Variants in MYO1H observed in about 807,000 individuals in gnomAD.
MYO1H encodes myosin IH.
In MYO1H, 118 loss-of-function variants were observed where a neutral mutation model predicts 149.3. That is an observed-to-expected ratio of 0.79 (90% CI 0.68 to 0.92). MYO1H has a LOEUF of 0.92. Ranked by LOEUF, MYO1H falls within the 40% of genes least tolerant of loss-of-function variation. The probability of loss-of-function intolerance (pLI) is 0.00; values close to 1 mark genes in which losing one functional copy is unlikely to be tolerated. For missense variants in MYO1H, 1,212 were observed against 1,280.7 expected, an observed-to-expected ratio of 0.95 and a Z score of 0.82; for synonymous variants, 447 against 465.2, an observed-to-expected ratio of 0.96 and a Z score of 0.50.
chr12:109,393,228 T>C (rs1869734552), intron 2 of MYO1H, 103 bp from the exon 3 acceptor site: 2 of 734,040 alleles, frequency 2.7e-6, no homozygotes, highest in Admixed American at 4.4e-5. Context: ...GCCTGATTTA[T>C]CATTTTAAAT....
intron 19 of MYO1H, 26 bp from the exon 20 acceptor site, chr12:109,432,871 T>C (rs1741292398): frequency 6.3e-7 from 1 of 1,595,958 alleles, no homozygotes; most frequent in Admixed American, 1.7e-5. Context: ...CGGTCACAGC[T>C]TCTCCATGTC....
chr12:109,443,745 G>C lies in MYO1H; in HGVS notation c.2824+96G>C, dbSNP rs986832451. The C allele has an allele frequency of 1.6e-5, 23 of 1,449,216 alleles. No individual in the cohort carries two copies. The African/African-American group carries it at 3.1e-4, about 19-fold the overall frequency. The allele number at this position is 1,449,216 out of a possible 1,614,324, so 89.8% of individuals were successfully genotyped here. The stretch of plus-strand genomic sequence containing the variant: ...TCCCAAATGGGAAACACAAGTGTAG[G>C]GTGCCCATAAACCCCGGGGTAGTGA... On this transcript the variant is annotated intron_variant, in intron 28 of 31. Coordinates refer to ENST00000310903, the Ensembl canonical transcript of MYO1H.
At chr12:109,391,021 C>T (rs1325243347) in intron 2 of MYO1H, among the ~76,000 whole-genome samples, 1 of 152,168 alleles carries the variant, frequency 6.6e-6, no homozygotes, top group Non-Finnish European at 1.5e-5. Context: ...TTACGTGCTC[C>T]CCTCTTAAAG....
exon 32 of MYO1H, chr12:109,447,804 G>A (rs1872547716): frequency 6.5e-6 from 1 of 153,050 alleles, no homozygotes; most frequent in Admixed American, 6.5e-5. Context: ...CTTCTGCCCT[G>A]AGCTGCTGGG....
chr12:109,432,899 A>G (rs1871695657), exon 20 of MYO1H: 1 of 1,613,784 alleles, frequency 6.2e-7, no homozygotes, highest in Non-Finnish European at 8.5e-7. Flanking sequence ...TCTCCTAGGT[A>G]CAAGTCCTTA....
At chr12:109,335,854 T>C in the MYO1H span, among the ~76,000 whole-genome samples, 54,244 of 152,120 alleles carry the variant, frequency 0.36, 10,247 homozygotes, top group Admixed American at 0.46. Context: ...AATAAATCAA[T>C]AGGCAATTTA....
intron 24 of MYO1H, among the ~76,000 whole-genome samples, chr12:109,440,336 G>A (rs866865782): frequency 8.6e-5 from 13 of 152,022 alleles, no homozygotes; most frequent in African/African-American, 2.9e-4. Context: ...GTGCCCAGCC[G>A]ACAGAGTACT....
intron 16 of MYO1H, among the ~76,000 whole-genome samples, chr12:109,421,716 C>T (rs985965427): frequency 1.3e-5 from 2 of 152,068 alleles, no homozygotes; most frequent in Non-Finnish European, 2.9e-5. Flanking sequence ...TGCACAAGGC[C>T]ACATCATGAG....
At chr12:109,368,414 G>T (rs1868912508) in intron 1 of MYO1H, among the ~76,000 whole-genome samples, 1 of 152,186 alleles carries the variant, frequency 6.6e-6, no homozygotes, top group Non-Finnish European at 1.5e-5. Flanking sequence ...CCAGCACTTT[G>T]GGAGGCCGAG....
chr12:109,447,185 G>A, exon 32 of MYO1H: 1 of 1,596,738 alleles, frequency 6.3e-7, no homozygotes, highest in South Asian at 1.1e-5. Flanking sequence ...AGTCCTGATA[G>A]AGGATGACGT....
At chr12:109,376,124 C>T (rs942545265) in intron 1 of MYO1H, among the ~76,000 whole-genome samples, 2 of 142,634 alleles carry the variant, frequency 1.4e-5, no homozygotes, top group African/African-American at 6.2e-5. Context: ...ACAATTCATA[C>T]ACCATACAAT....
chr12:109,313,596 G>A, the MYO1H span, among the ~76,000 whole-genome samples: 1 of 152,126 alleles, frequency 6.6e-6, no homozygotes, highest in African/African-American at 2.4e-5. Context: ...GGATGTTTCC[G>A]GGAAGGGAAT....
At chr12:109,388,771 T>C in exon 2 of MYO1H, 1 of 1,613,224 alleles carries the variant, frequency 6.2e-7, no homozygotes, top group Non-Finnish European at 8.5e-7. Context: ...GATTTTGTGC[T>C]ATTGGACGCG....
the MYO1H span, among the ~76,000 whole-genome samples, chr12:109,320,091 A>T: frequency 6.6e-6 from 1 of 152,106 alleles, no homozygotes; most frequent in Non-Finnish European, 1.5e-5. Context: ...AGGTGGGAAG[A>T]TCACTTGAGC....
intron 1 of MYO1H, among the ~76,000 whole-genome samples, chr12:109,352,919 G>A (rs1170027668): frequency 7.3e-6 from 1 of 136,424 alleles, no homozygotes. Context: ...ATATACCTGT[G>A]TGACCCAAAT....
chr12:109,347,036 T>G (rs1213005310), upstream of MYO1H, among the ~76,000 whole-genome samples: 3 of 152,128 alleles, frequency 2.0e-5, no homozygotes, highest in Admixed American at 2.0e-4. Flanking sequence ...GAGAGAGAGA[T>G]ACATGAAATG....
rs1871859649 is a variant in MYO1H at position 109,436,418 on chromosome 12, C to T, written c.2141-70C>T. On this transcript the variant is annotated intron_variant, in intron 21 of 31. Coordinates refer to ENST00000310903, the Ensembl canonical transcript of MYO1H. ...CCCCTTCCATCGGCCCCCAAACACC[C>T]CTGGAGATCACAACCACAAAGATGC... 7.1e-6 allele frequency: 8 copies of T among 1,121,992 alleles called. No homozygotes were observed. The Admixed American group carries it at 1.6e-4, about 22-fold the overall frequency. 69.5% of individuals were successfully genotyped at this position (1,121,992 alleles called of 1,614,324 possible). A position where few individuals can be genotyped will look rare whatever the true frequency, so the allele number is the denominator to read the frequency against.
At chr12:109,409,484 G>A in intron 10 of MYO1H, 73 bp from the exon 11 acceptor site, 10 of 1,309,350 alleles carry the variant, frequency 7.6e-6, no homozygotes, top group Non-Finnish European at 1.0e-5. Flanking sequence ...TCCCAGTTTA[G>A]GGGAGCAGCA....
chr12:109,400,778 T>C (rs188856377), intron 5 of MYO1H, among the ~76,000 whole-genome samples: 3 of 152,206 alleles, frequency 2.0e-5, no homozygotes, highest in African/African-American at 7.2e-5. Flanking sequence ...GATATCAACA[T>C]GAATAAAAAG....
Sources: gnomAD v4.1 joint callset for allele counts (sites outside exome capture counted in the v4.1 genomes callset) on GRCh38, gnomAD v4.1.1 for gene constraint, MANE v1.5 for transcripts, NCBI Gene and HGNC (gene_info 2026-07-23, HGNC 2026-07-21) for gene names.